Variants in NELL1 observed in about 807,000 individuals in gnomAD.
NELL1 encodes protein kinase C-binding protein NELL1.
NELL1 carries 76 observed loss-of-function variants against 107.4 expected under a neutral mutation model. That is an observed-to-expected ratio of 0.71 (90% CI 0.59 to 0.86). The LOEUF is 0.86. NELL1 is among the 40% of genes least tolerant of loss of function. NELL1 has a pLI of 0.00. For missense variants in NELL1, 1,024 were observed against 1,005.5 expected, an observed-to-expected ratio of 1.02 and a Z score of -0.25; for synonymous variants, 353 against 341.2, an observed-to-expected ratio of 1.03 and a Z score of -0.38.
At chr11:21,212,238 T>TGACAATA (rs755212727) in intron 13 of NELL1, among the ~76,000 whole-genome samples, 3 of 152,174 alleles carry the variant, frequency 2.0e-5, no homozygotes, top group African/African-American at 4.8e-5. Flanking sequence ...AAAATAGGGA[T>TGACAATA]GACAATAATA....
At chr11:20,707,307 C>T (rs1328751455) in intron 2 of NELL1, among the ~76,000 whole-genome samples, 1 of 152,112 alleles carries the variant, frequency 6.6e-6, no homozygotes, top group Non-Finnish European at 1.5e-5. Flanking sequence ...TGGGTTTGAA[C>T]TTCCTCCTTT....
At chr11:21,144,552 T>A (rs1000228437) in intron 13 of NELL1, among the ~76,000 whole-genome samples, 2 of 152,154 alleles carry the variant, frequency 1.3e-5, no homozygotes. Flanking sequence ...GCACCCTATC[T>A]TTTATGTGGC....
intron 14 of NELL1, among the ~76,000 whole-genome samples, chr11:21,281,856 T>C (rs1162715567): frequency 6.6e-6 from 1 of 152,192 alleles, no homozygotes; most frequent in African/African-American, 2.4e-5. Flanking sequence ...TAAAAATGGA[T>C]TAGACTTAAA....
At chr11:21,073,442 A>C (rs946368764) in intron 12 of NELL1, among the ~76,000 whole-genome samples, 8 of 152,196 alleles carry the variant, frequency 5.3e-5, no homozygotes, top group Non-Finnish European at 1.2e-4. Flanking sequence ...CAGCAAGTAC[A>C]ACTTATCTAA....
chr11:20,983,138 C>T (rs1851782211), intron 12 of NELL1, among the ~76,000 whole-genome samples: 1 of 152,192 alleles, frequency 6.6e-6, no homozygotes, highest in African/African-American at 2.4e-5. Flanking sequence ...CAAGTATTCG[C>T]TGTTTATAGT....
At chr11:21,166,699 A>G (rs907684179) in intron 13 of NELL1, among the ~76,000 whole-genome samples, 2 of 151,982 alleles carry the variant, frequency 1.3e-5, no homozygotes, top group Admixed American at 1.3e-4. Context: ...ACCATAATCC[A>G]TGTAGAGGCT....
chr11:20,830,149 G>A (rs758510474), intron 3 of NELL1, among the ~76,000 whole-genome samples: 4 of 151,698 alleles, frequency 2.6e-5, no homozygotes, highest in Non-Finnish European at 4.4e-5. Context: ...GTGCGTGCCT[G>A]TAATCTCAGC....
chr11:21,493,253 T>G (rs1854879063), intron 15 of NELL1, among the ~76,000 whole-genome samples: 1 of 151,958 alleles, frequency 6.6e-6, no homozygotes, highest in African/African-American at 2.4e-5. Flanking sequence ...CAAAAGAAAA[T>G]AAATCAGGAT....
intron 13 of NELL1, among the ~76,000 whole-genome samples, chr11:21,153,250 C>A (rs1009861374): frequency 3.9e-5 from 6 of 152,034 alleles, no homozygotes; most frequent in Admixed American, 1.3e-4. Context: ...CTGAGGTGGG[C>A]AGACAGGCTT....
intron 16 of NELL1, among the ~76,000 whole-genome samples, chr11:21,550,817 A>G (rs1856560520): frequency 6.6e-6 from 1 of 151,794 alleles, no homozygotes; most frequent in Non-Finnish European, 1.5e-5. Flanking sequence ...TTGTCTTGGC[A>G]ATGCAGGCTC....
intron 2 of NELL1, among the ~76,000 whole-genome samples, chr11:20,681,167 A>G (rs927865132): frequency 6.6e-6 from 1 of 152,116 alleles, no homozygotes; most frequent in Non-Finnish European, 1.5e-5. Context: ...TGCAATCTGG[A>G]TAGGCTGAGA....
chr11:21,450,160 GTTCA>G (rs1853542084), intron 15 of NELL1, among the ~76,000 whole-genome samples: 1 of 152,050 alleles, frequency 6.6e-6, no homozygotes, highest in Non-Finnish European at 1.5e-5. Flanking sequence ...TTTTATTATT[GTTCA>G]TTCATTTTTA....
At chr11:20,952,116 G>A (rs1403376409) in intron 11 of NELL1, among the ~76,000 whole-genome samples, 1 of 151,834 alleles carries the variant, frequency 6.6e-6, no homozygotes, top group African/African-American at 2.4e-5. Flanking sequence ...CAGGAAAACA[G>A]ACCCATCATT....
intron 2 of NELL1, among the ~76,000 whole-genome samples, chr11:20,698,559 AATAATG>A (rs1364017852): frequency 6.6e-6 from 1 of 152,258 alleles, no homozygotes; most frequent in Non-Finnish European, 1.5e-5. Context: ...GACATTGAAT[AATAATG>A]ATAATGTCCA....
chr11:21,087,060 C>G lies in NELL1; in HGVS notation c.1301-26529C>G, dbSNP rs567595587. Among the ~76,000 whole-genome samples, 12 of 152,126 alleles carry G rather than the reference C, an allele frequency of 7.9e-5. No homozygotes were observed. In the South Asian group the frequency reaches 2.5e-3, roughly 32 times the overall value. On this transcript the variant is annotated intron_variant, in intron 12 of 19. Coordinates refer to ENST00000357134, the MANE Select transcript of NELL1 (RefSeq NM_006157.5). ...TTCACCGTGTTAGCCAGGATGGTCT[C>G]GATCTCCTGACCTCGTGATCCGCAC...
At chr11:20,671,777 G>GGGC (rs552261529) in intron 1 of NELL1, among the ~76,000 whole-genome samples, 104 of 152,180 alleles carry the variant, frequency 6.8e-4, no homozygotes, top group African/African-American at 2.4e-3. Context: ...ATTGATGGGG[G>GGGC]GGGTGGTGGA....
chr11:20,862,025 G>A (rs895484998), intron 4 of NELL1, among the ~76,000 whole-genome samples: 11 of 152,336 alleles, frequency 7.2e-5, no homozygotes, highest in South Asian at 2.1e-4. Context: ...AGATAAAGCC[G>A]TGCCTGGGAT....
At chr11:21,111,674 C>T (rs896621765) in intron 12 of NELL1, among the ~76,000 whole-genome samples, 11 of 152,064 alleles carry the variant, frequency 7.2e-5, no homozygotes, top group African/African-American at 1.2e-4. Context: ...GATGCTGGCT[C>T]TTAATCTTTC....
chr11:21,423,302 G>A (rs1383826464), intron 15 of NELL1, among the ~76,000 whole-genome samples: 1 of 152,042 alleles, frequency 6.6e-6, no homozygotes, highest in Non-Finnish European at 1.5e-5. Flanking sequence ...CCCAGGAGAT[G>A]GAGGTTGCAG....
Sources: gnomAD v4.1 joint callset for allele counts (sites outside exome capture counted in the v4.1 genomes callset) on GRCh38, gnomAD v4.1.1 for gene constraint, MANE v1.5 for transcripts, NCBI Gene and HGNC (gene_info 2026-07-23, HGNC 2026-07-21) for gene names.